Variants in SOX5 observed in about 807,000 individuals in gnomAD.
SOX5 encodes SRY-box transcription factor 5.
Under a neutral mutation model 92.0 loss-of-function variants are expected in SOX5, and 9 were observed. That is an observed-to-expected ratio of 0.10 (90% CI 0.06 to 0.17). SOX5 has a LOEUF of 0.17. SOX5 is among the 10% of genes least tolerant of loss of function. SOX5 has a pLI of 1.00. For missense variants in SOX5, 642 were observed against 944.5 expected, an observed-to-expected ratio of 0.68 and a Z score of 4.20; for synonymous variants, 344 against 336.3, an observed-to-expected ratio of 1.02 and a Z score of -0.25.
intron 1 of SOX5, among the ~76,000 whole-genome samples, chr12:24,427,383 T>G (rs909985605): frequency 6.6e-6 from 1 of 152,214 alleles, no homozygotes; most frequent in African/African-American, 2.4e-5. Flanking sequence ...ATATTGCAAG[T>G]TTCTTTAAAC....
At chr12:24,191,611 T>C (rs1217987503) in intron 4 of SOX5, among the ~76,000 whole-genome samples, 2 of 152,226 alleles carry the variant, frequency 1.3e-5, no homozygotes, top group Non-Finnish European at 2.9e-5. Context: ...AGCTTCCACA[T>C]GTTGCTATAA....
Position 23,721,338 on chromosome 12 carries a change from G to A in SOX5, c.810+13346C>T, listed in dbSNP as rs1051933735. ...GACCTTAGGTGATCCACCAGCCTCA[G>A]CCTCCCAAAGCGCTGGGATTACAGG... On this transcript the variant is annotated intron_variant, in intron 6 of 14. Coordinates refer to ENST00000451604, the MANE Select transcript of SOX5 (RefSeq NM_006940.6). Among the ~76,000 whole-genome samples, 9 of 152,220 alleles carry A rather than the reference G, an allele frequency of 5.9e-5. 1 individual carries two copies. The South Asian group carries it at 1.4e-3, about 25-fold the overall frequency.
At chr12:24,341,850 T>G (rs1257087215) in intron 2 of SOX5, among the ~76,000 whole-genome samples, 1 of 152,164 alleles carries the variant, frequency 6.6e-6, no homozygotes, top group African/African-American at 2.4e-5. Flanking sequence ...CAGTGCCCAG[T>G]GCCCACTGGG....
chr12:24,257,044 G>A (rs1361952027), intron 3 of SOX5, among the ~76,000 whole-genome samples: 1 of 152,158 alleles, frequency 6.6e-6, no homozygotes, highest in Middle Eastern at 3.2e-3. Flanking sequence ...TTGGAAGTGT[G>A]AATAGAAGGG....
intron 2 of SOX5, among the ~76,000 whole-genome samples, chr12:24,287,250 TTTAG>T (rs1335032880): frequency 6.6e-6 from 1 of 152,238 alleles, no homozygotes; most frequent in Non-Finnish European, 1.5e-5. Context: ...ACAAGGTATT[TTTAG>T]TTAATAAAAC....
intron 4 of SOX5, among the ~76,000 whole-genome samples, chr12:24,200,329 T>G (rs1351986109): frequency 6.6e-6 from 1 of 152,186 alleles, no homozygotes; most frequent in Non-Finnish European, 1.5e-5. Context: ...TACTACTCTC[T>G]CAATCATTGG....
chr12:24,301,461 T>C (rs1947940016), intron 2 of SOX5, among the ~76,000 whole-genome samples: 1 of 152,226 alleles, frequency 6.6e-6, no homozygotes, highest in African/African-American at 2.4e-5. Context: ...TCTTATGATA[T>C]ATTATGATAA....
chr12:23,534,456 C>A lies in SOX5; in HGVS notation c.2055G>T (p.Gly685=). The A allele has an allele frequency of 6.2e-7, 1 of 1,613,966 alleles. No homozygotes were observed. Among genetic ancestry groups the A allele is most frequent in the Non-Finnish European group, 8.5e-7 (1 of 1,179,946 alleles). ...CCGAGGGCAGGTGAGGGGAGGGCAT[C>A]CCAGCCATGGCGATGGCTCCAGGGT... ...VVYPGAIAMA[G]MPSPHLPSEH... The change falls in exon 15 of 15, where the codon GGG becomes GGT. Residue 685 remains glycine, a synonymous_variant. Transcript: ENST00000451604.
intron 2 of SOX5, among the ~76,000 whole-genome samples, chr12:24,315,021 T>C (rs946092618): frequency 2.0e-5 from 3 of 152,232 alleles, no homozygotes; most frequent in Non-Finnish European, 4.4e-5. Context: ...GATGAGTTAA[T>C]GGATTAATTA....
At chr12:23,626,690 T>A (rs912265848) in intron 8 of SOX5, among the ~76,000 whole-genome samples, 15 of 145,170 alleles carry the variant, frequency 1.0e-4, no homozygotes, top group Admixed American at 2.8e-4. Context: ...TTTTTTTTTT[T>A]ATCTTATCCC....
chr12:24,392,356 C>G (rs1319210302), intron 1 of SOX5, among the ~76,000 whole-genome samples: 1 of 152,162 alleles, frequency 6.6e-6, no homozygotes, highest in Non-Finnish European at 1.5e-5. Context: ...TCCAAGTGAT[C>G]TTACTATGCC....
intron 4 of SOX5, among the ~76,000 whole-genome samples, chr12:24,081,680 C>T (rs955661026): frequency 6.6e-6 from 1 of 151,946 alleles, no homozygotes; most frequent in African/African-American, 2.4e-5. Flanking sequence ...CGGAACGTCA[C>T]CCTTTTAACT....
At chr12:24,172,541 G>A (rs1954321169) in intron 4 of SOX5, among the ~76,000 whole-genome samples, 1 of 151,706 alleles carries the variant, frequency 6.6e-6, no homozygotes, top group Non-Finnish European at 1.5e-5. Context: ...CCTGTCTTAA[G>A]AAAAAAGAAA....
chr12:23,864,413 T>C (rs775272526), intron 2 of SOX5, among the ~76,000 whole-genome samples: 1 of 152,122 alleles, frequency 6.6e-6, no homozygotes, highest in Non-Finnish European at 1.5e-5. Context: ...TTATTATACT[T>C]AGTGAGAAAG....
In SOX5 at chr12:24,294,496, T is replaced by C. The variant is rs182432782; in HGVS notation, c.-173-17184A>G. Among the ~76,000 whole-genome samples, 105 of 152,334 alleles carry C rather than the reference T, an allele frequency of 6.9e-4. No homozygotes were observed. In the South Asian group the frequency reaches 7.3e-3, roughly 11 times the overall value. On this transcript the variant is annotated intron_variant, in intron 2 of 4. Coordinates refer to the SOX5 transcript ENST00000446891. Reference sequence around the variant, plus strand: ...CTGGAACTCAGAGGGGGCTATTTCATAAGCAAATGTGAATACCTCCATGCA... The same window carrying C: ...CTGGAACTCAGAGGGGGCTATTTCACAAGCAAATGTGAATACCTCCATGCA...
intron 1 of SOX5, among the ~76,000 whole-genome samples, chr12:24,395,919 C>T (rs1455040273): frequency 6.6e-6 from 1 of 152,114 alleles, no homozygotes; most frequent in African/African-American, 2.4e-5. Context: ...TCTGGCCTGC[C>T]CTCACAGAAT....
chr12:24,073,917 T>G (rs921957623), intron 4 of SOX5, among the ~76,000 whole-genome samples: 5 of 152,018 alleles, frequency 3.3e-5, no homozygotes, highest in African/African-American at 1.2e-4. Flanking sequence ...TATTTCATAA[T>G]TAATATGGAA....
At chr12:23,726,337 G>C (rs1190843945) in intron 6 of SOX5, among the ~76,000 whole-genome samples, 2 of 152,084 alleles carry the variant, frequency 1.3e-5, no homozygotes, top group Non-Finnish European at 2.9e-5. Context: ...TCTTCATAGA[G>C]TAATTCATTT....
intron 4 of SOX5, among the ~76,000 whole-genome samples, chr12:24,005,795 A>G (rs1952092456): frequency 6.6e-6 from 1 of 152,186 alleles, no homozygotes; most frequent in African/African-American, 2.4e-5. Context: ...TTGAAACTAT[A>G]TTTTAAAAAC....
Sources: allele counts gnomAD v4.1 joint callset (sites outside exome capture counted in the v4.1 genomes callset), GRCh38; gene constraint gnomAD v4.1.1; transcripts MANE v1.5; gene names NCBI Gene and HGNC (gene_info 2026-07-23, HGNC 2026-07-21).